The following THUMPD3 variants were observed in gnomAD, a reference collection of about 807,000 sequenced individuals.
THUMPD3 encodes THUMP domain 3 tRNA guanosine methyltransferase.
A neutral mutation model predicts 54.5 loss-of-function variants in THUMPD3; 44 were observed. The ratio of observed to expected loss-of-function variants is 0.81; its 90% CI spans 0.63 to 1.04. The LOEUF (loss-of-function observed/expected upper bound fraction) is 1.04. Ranked by LOEUF, THUMPD3 falls within the 50% of genes least tolerant of loss-of-function variation. THUMPD3 has a pLI of 0.00. For missense variants in THUMPD3, 604 were observed against 601.3 expected, an observed-to-expected ratio of 1.00 and a Z score of -0.05; for synonymous variants, 196 against 201.4, an observed-to-expected ratio of 0.97 and a Z score of 0.23.
chr3:9,384,144 T>C (rs756599630), intron 8 of THUMPD3, 68 bp from the exon 9 acceptor site: 3 of 1,538,554 alleles, frequency 1.9e-6, no homozygotes, highest in Non-Finnish European at 8.8e-7. Flanking sequence ...GAAACTGTTT[T>C]TGTTTCATAT....
At position 9,386,719 on chromosome 3, in the gene THUMPD3, C is replaced by G. The variant is rs895078825; in HGVS notation, c.*2031C>G. On this transcript the variant is annotated 3_prime_UTR_variant, in exon 10 of 10. Transcript: ENST00000452837. ...ATTCATTGTGTGACCTTGGTTTTAA[C>G]CTTCAAAGTGGGTCTCCTGGACTAA... 5 of 151,954 alleles carry G rather than the reference C, an allele frequency of 3.3e-5. No homozygotes were observed. Among genetic ancestry groups the G allele is most frequent in the Non-Finnish European group, 5.9e-5 (4 of 68,024 alleles). The allele number at this position is 151,954 out of a possible 1,614,324, so 9.4% of individuals were successfully genotyped here.
intron 4 of THUMPD3, among the ~76,000 whole-genome samples, chr3:9,372,751 A>G (rs1386926373): frequency 2.6e-5 from 4 of 152,090 alleles, no homozygotes; most frequent in African/African-American, 7.2e-5. Flanking sequence ...ATCCTCTTTT[A>G]TCTGGGTGAT....
At chr3:9,374,116 T>G (rs552610725) in intron 4 of THUMPD3, among the ~76,000 whole-genome samples, 2 of 152,306 alleles carry the variant, frequency 1.3e-5, no homozygotes, top group African/African-American at 2.4e-5. Flanking sequence ...CCACCAAAAA[T>G]TCGTTTTGCC....
chr3:9,366,759 A>C (rs2648535), intron 2 of THUMPD3, 149 bp from the exon 3 acceptor site: 352,323 of 577,752 alleles, frequency 0.61, 108,594 homozygotes, highest in South Asian at 0.79. Context: ...AGAGATGAGA[A>C]ACTAGGGAGA....
At chr3:9,381,693 C>T (rs577594567) in intron 7 of THUMPD3, among the ~76,000 whole-genome samples, 11 of 128,460 alleles carry the variant, frequency 8.6e-5, no homozygotes, top group South Asian at 2.8e-4. Flanking sequence ...TTTAAACAAA[C>T]GTACCTTTCT....
intron 4 of THUMPD3, among the ~76,000 whole-genome samples, chr3:9,372,076 C>T (rs960277001): frequency 1.3e-5 from 2 of 152,154 alleles, no homozygotes; most frequent in Admixed American, 1.3e-4. Flanking sequence ...GGGGTTTCAC[C>T]CTGTTGGCCA....
intron 2 of THUMPD3, 126 bp from the exon 3 acceptor site, chr3:9,366,782 A>C: frequency 1.4e-6 from 1 of 706,438 alleles, no homozygotes; most frequent in South Asian, 2.3e-5. Context: ...GGACATTTTA[A>C]AAATACAAAA....
At chr3:9,367,458 T>C (rs2031651810) in intron 3 of THUMPD3, among the ~76,000 whole-genome samples, 1 of 152,190 alleles carries the variant, frequency 6.6e-6, no homozygotes, top group Non-Finnish European at 1.5e-5. Flanking sequence ...TTGTCTCCAA[T>C]ATGTATTTAG....
Position 9,385,458 on chromosome 3 carries a change from TG to T in THUMPD3, c.*771del, listed in dbSNP as rs1394942434. The stretch of plus-strand genomic sequence containing the variant: ...GAAGGAATGAAGCATTATTACATTT[TG>T]TGAATGGTGTTCAGCCTATAAGACG... On this transcript the variant is annotated 3_prime_UTR_variant, in exon 10 of 10. Coordinates refer to ENST00000452837, the MANE Select transcript of THUMPD3 (RefSeq NM_001114092.2). The T allele has an allele frequency of 2.0e-5, 3 of 152,362 alleles. No homozygotes were observed. In the East Asian group the frequency reaches 5.8e-4, roughly 29 times the overall value. 9.4% of individuals were successfully genotyped at this position (152,362 alleles called of 1,614,324 possible).
Position 9,383,198 on chromosome 3 carries a change from G to C in THUMPD3, c.1125-1G>C, listed in dbSNP as rs764255628. 6 of 1,611,916 alleles carry C rather than the reference G, an allele frequency of 3.7e-6. No homozygotes were observed. The Admixed American group carries it at 1.0e-4, about 27-fold the overall frequency. ...GAAGCACCTTTCCTTTGTCCCCACA[G>C]CAAACCCTCCTGGGGCTTGCCCATA... On this transcript the variant is annotated splice_acceptor_variant, in intron 7 of 9. Coordinates refer to ENST00000452837, the MANE Select transcript of THUMPD3 (RefSeq NM_001114092.2). LOFTEE classifies it high-confidence loss of function.
At chr3:9,369,309 CAAA>C (rs779602979) in intron 3 of THUMPD3, among the ~76,000 whole-genome samples, 3 of 60,846 alleles carry the variant, frequency 4.9e-5, no homozygotes, top group South Asian at 8.7e-4. Flanking sequence ...GACTCCGTCT[CAAA>C]AAAAAAAAAA....
chr3:9,380,119 C>G (rs967977707), intron 6 of THUMPD3, among the ~76,000 whole-genome samples: 2 of 152,116 alleles, frequency 1.3e-5, no homozygotes, highest in Non-Finnish European at 2.9e-5. Context: ...GGATGAGGAA[C>G]TGAATAAAAT....
At chr3:9,365,369 T>C (rs2031461584) in intron 2 of THUMPD3, 49 bp downstream of exon 2, 2 of 1,594,556 alleles carry the variant, frequency 1.3e-6, no homozygotes, top group South Asian at 1.1e-5. Flanking sequence ...GATCATTTTA[T>C]GGTTACTTTT....
At chr3:9,374,990 G>A (rs1460111305) in intron 5 of THUMPD3, among the ~76,000 whole-genome samples, 3 of 152,134 alleles carry the variant, frequency 2.0e-5, no homozygotes, top group Admixed American at 6.5e-5. Flanking sequence ...GAATAGCTGG[G>A]ATTACAGGTG....
intron 6 of THUMPD3, among the ~76,000 whole-genome samples, chr3:9,379,434 C>G (rs1310642963): frequency 1.3e-5 from 2 of 152,178 alleles, no homozygotes; most frequent in Admixed American, 1.3e-4. Context: ...AAGTATGTTA[C>G]TGTTCACAAA....
At chr3:9,370,484 G>A (rs1323376002) in intron 3 of THUMPD3, among the ~76,000 whole-genome samples, 2 of 152,182 alleles carry the variant, frequency 1.3e-5, no homozygotes, top group Non-Finnish European at 2.9e-5. Flanking sequence ...TTGCTCTGTT[G>A]TCTAAGCTGG....
chr3:9,383,469 C>G (rs1398511309), intron 8 of THUMPD3, among the ~76,000 whole-genome samples, 160 bp downstream of exon 8: 1 of 152,164 alleles, frequency 6.6e-6, no homozygotes, highest in Non-Finnish European at 1.5e-5. Context: ...TCCGAGAACT[C>G]AGGAATGTAT....
intron 3 of THUMPD3, among the ~76,000 whole-genome samples, chr3:9,369,362 T>C (rs963493175): frequency 6.7e-6 from 1 of 148,696 alleles, no homozygotes. Flanking sequence ...GTGGAACCTA[T>C]GTATAAATAA....
rs764289404 is a variant in THUMPD3, at chr3:9,371,228, G to A, written c.499G>A (p.Asp167Asn). ...KINNGQEVKI[D>N]QRNVKKEFTS... The stretch of plus-strand genomic sequence containing the variant: ...TAATAATGGACAAGAAGTCAAAATC[G>A]ATCAGAGAAATGTTAAAAAAGAGTT... Residue 167 changes from aspartate (D) to asparagine (N), a missense_variant, in exon 4 of 10, where the codon GAT becomes AAT. Asp to Asn is a conservative substitution (Grantham distance 23). Transcript: ENST00000452837. 8 of 1,611,138 alleles carry A rather than the reference G, an allele frequency of 5.0e-6. No homozygotes were observed. The highest frequency in any genetic ancestry group is 1.7e-5 in the Admixed American group (1 of 59,452).
Sources: allele counts gnomAD v4.1 joint callset (sites outside exome capture counted in the v4.1 genomes callset), GRCh38; gene constraint gnomAD v4.1.1; transcripts MANE v1.5; gene names NCBI Gene and HGNC (gene_info 2026-07-23, HGNC 2026-07-21).